Variants in NRXN3 observed in about 807,000 individuals in gnomAD.
NRXN3 encodes the protein neurexin III.
A neutral mutation model predicts 137.6 loss-of-function variants in NRXN3; 32 were observed. That is an observed-to-expected ratio of 0.23 (90% confidence interval 0.18 to 0.31). The LOEUF (loss-of-function observed/expected upper bound fraction) is 0.31, where lower values mean the gene tolerates loss of function less well. Among genes scored for constraint, NRXN3 ranks in the 10% least tolerant of loss-of-function variants. NRXN3 has a pLI of 1.00. For synonymous variants in NRXN3, 798 were observed against 784.5 expected (o/e 1.02, Z -0.29); for missense variants, 1,574 against 2,062.5 (o/e 0.76, Z 4.59).
At chr14:79,151,225 T>G (rs2059769655) in intron 15 of NRXN3, among the ~76,000 whole-genome samples, 1 of 151,980 alleles carries the variant, frequency 6.6e-6, no homozygotes, top group African/African-American at 2.4e-5. Context: ...CATTTTGCCT[T>G]TGGTGGGTGA....
intron 19 of NRXN3, among the ~76,000 whole-genome samples, chr14:79,790,615 CT>C (rs34493154): frequency 0.25 from 18,048 of 73,558 alleles, 506 homozygotes; most frequent in African/African-American, 0.3. Flanking sequence ...GGCCCAGGCT[CT>C]TTTTTTTTTT....
chr14:78,717,852 G>A lies in NRXN3; in HGVS notation c.2044+2713G>A, dbSNP rs138486954. 2.6e-5 allele frequency among the ~76,000 whole-genome samples: 4 copies of A among 152,244 alleles called. No homozygotes were observed. The East Asian group carries it at 7.7e-4, about 29-fold the overall frequency. Reference sequence around the variant, plus strand: ...GGAAAATGTGAGAAATGTTTAACATGTGGTTAATGTTATGGCAGATGTCTA... The same window carrying A: ...GGAAAATGTGAGAAATGTTTAACATATGGTTAATGTTATGGCAGATGTCTA... On this transcript the variant is annotated intron_variant, in intron 8 of 20. Transcript: ENST00000335750.
intron 4 of NRXN3, among the ~76,000 whole-genome samples, chr14:78,471,493 G>A (rs1393094676): frequency 6.6e-6 from 1 of 152,144 alleles, no homozygotes; most frequent in Non-Finnish European, 1.5e-5. Flanking sequence ...GCCAAAGGAA[G>A]GGAAGTCTCA....
intron 12 of NRXN3, among the ~76,000 whole-genome samples, chr14:78,966,883 A>G (rs929360468): frequency 6.6e-6 from 1 of 152,222 alleles, no homozygotes; most frequent in Non-Finnish European, 1.5e-5. Flanking sequence ...AAACCAAAAC[A>G]AAAACCAAAA....
intron 16 of NRXN3, among the ~76,000 whole-genome samples, chr14:79,522,135 C>T (rs542794074): frequency 1.3e-5 from 2 of 152,090 alleles, no homozygotes; most frequent in East Asian, 3.9e-4. Flanking sequence ...TGAAAAAAAT[C>T]ATGGTACTTC....
intron 1 of NRXN3, among the ~76,000 whole-genome samples, chr14:78,196,661 C>G (rs1029853287): frequency 2.0e-5 from 3 of 152,144 alleles, no homozygotes; most frequent in African/African-American, 7.2e-5. Context: ...TACAGTGGTT[C>G]AGAGGGCAGA....
At chr14:79,394,342 A>T (rs915949629) in intron 15 of NRXN3, among the ~76,000 whole-genome samples, 2 of 152,216 alleles carry the variant, frequency 1.3e-5, no homozygotes, top group Non-Finnish European at 2.9e-5. Context: ...ATTTGCATGG[A>T]GTATCTCAGT....
chr14:79,331,786 T>G (rs746405845), intron 15 of NRXN3, among the ~76,000 whole-genome samples: 11 of 152,084 alleles, frequency 7.2e-5, no homozygotes, highest in Non-Finnish European at 1.3e-4. Context: ...TGCACCCCTC[T>G]GCTCAAAGTG....
intron 15 of NRXN3, among the ~76,000 whole-genome samples, chr14:79,382,604 A>G (rs1413363948): frequency 6.6e-6 from 1 of 152,118 alleles, no homozygotes; most frequent in Non-Finnish European, 1.5e-5. Flanking sequence ...TGTTGTTATT[A>G]TCATACACAG....
intron 16 of NRXN3, among the ~76,000 whole-genome samples, chr14:79,657,856 A>G (rs221448): frequency 0.26 from 39,430 of 152,062 alleles, 5,421 homozygotes; most frequent in Middle Eastern, 0.44. Flanking sequence ...TGGTAGCAAT[A>G]ATTTATTTTA....
intron 15 of NRXN3, among the ~76,000 whole-genome samples, chr14:79,150,982 C>G (rs1360960227): frequency 6.6e-6 from 1 of 151,976 alleles, no homozygotes; most frequent in East Asian, 1.9e-4. Flanking sequence ...TTTCGAGGGT[C>G]TTCTTGTCTC....
At chr14:78,314,960 T>TTCCC (rs1597221026) in intron 4 of NRXN3, among the ~76,000 whole-genome samples, 16 of 82,352 alleles carry the variant, frequency 1.9e-4, no homozygotes, top group African/African-American at 9.2e-4. Flanking sequence ...CCTTCCTTCC[T>TTCCC]TCCTTCCTTC....
chr14:78,221,215 T>C (rs749929491), intron 1 of NRXN3, among the ~76,000 whole-genome samples: 3 of 151,910 alleles, frequency 2.0e-5, no homozygotes, highest in Non-Finnish European at 4.4e-5. Flanking sequence ...GGAGGGATGA[T>C]AGACTGTGAG....
At chr14:78,371,051 G>T (rs2086732534) in intron 4 of NRXN3, among the ~76,000 whole-genome samples, 1 of 152,142 alleles carries the variant, frequency 6.6e-6, no homozygotes, top group African/African-American at 2.4e-5. Context: ...AGGAGGCAGG[G>T]AAATACTGGG....
At chr14:78,227,181 TC>T (rs1434330469) in intron 1 of NRXN3, among the ~76,000 whole-genome samples, 15 of 151,942 alleles carry the variant, frequency 9.9e-5, no homozygotes, top group Non-Finnish European at 1.5e-5. Flanking sequence ...ATCTAACATA[TC>T]CCAGAAGCAG....
chr14:79,446,816 G>A (rs181760627), intron 15 of NRXN3, among the ~76,000 whole-genome samples: 31 of 152,238 alleles, frequency 2.0e-4, no homozygotes, highest in African/African-American at 7.0e-4. Context: ...AGACATTCTA[G>A]AAGATTTTAA....
At chr14:79,496,636 T>G (rs1470785271) in intron 16 of NRXN3, among the ~76,000 whole-genome samples, 1 of 152,218 alleles carries the variant, frequency 6.6e-6, no homozygotes, top group Non-Finnish European at 1.5e-5. Flanking sequence ...TTTAGATTGA[T>G]GGGCCTAATG....
intron 19 of NRXN3, among the ~76,000 whole-genome samples, chr14:79,706,161 A>T (rs2098777897): frequency 6.6e-6 from 1 of 152,138 alleles, no homozygotes; most frequent in African/African-American, 2.4e-5. Context: ...AGTCCCAGAG[A>T]TATCTCCTTG....
At chr14:79,135,321 T>TAAATATATGAAG (rs2058103253) in intron 15 of NRXN3, among the ~76,000 whole-genome samples, 1 of 152,198 alleles carries the variant, frequency 6.6e-6, no homozygotes, top group Non-Finnish European at 1.5e-5. Flanking sequence ...CTTTCATAGT[T>TAAATATATGAAG]TCTCTCCCTC....
Sources: allele counts gnomAD v4.1 joint callset (sites outside exome capture counted in the v4.1 genomes callset), GRCh38; gene constraint gnomAD v4.1.1; transcripts MANE v1.5; gene names NCBI Gene and HGNC (gene_info 2026-07-23, HGNC 2026-07-21).